The following MEIG1 variants were observed in gnomAD, a reference collection of about 807,000 sequenced individuals.
MEIG1 encodes the protein meiosis expressed gene 1 protein homolog.
MEIG1 carries 12 observed loss-of-function variants against 11.3 expected under a neutral mutation model. The observed-to-expected ratio is 1.07, with a 90% confidence interval of 0.68 to 1.73. MEIG1 has a LOEUF of 1.73. Ranked by LOEUF, MEIG1 falls within the 40% of genes most tolerant of loss-of-function variation. MEIG1 has a pLI of 0.00. For missense variants in MEIG1, 119 were observed against 104.9 expected, an observed-to-expected ratio of 1.13 and a Z score of -0.59; for synonymous variants, 41 against 33.2, an observed-to-expected ratio of 1.24 and a Z score of -0.81.
At chr10:14,977,905 G>C (rs1843228102) in intron 1 of MEIG1, among the ~76,000 whole-genome samples, 1 of 151,910 alleles carries the variant, frequency 6.6e-6, no homozygotes, top group African/African-American at 2.4e-5. Flanking sequence ...TAATATCCTA[G>C]AAAGATGTTG....
Position 14,966,605 on chromosome 10 carries a change from T to C in MEIG1, c.137T>C (p.Met46Thr). 1 of 1,608,000 alleles carries C rather than the reference T, an allele frequency of 6.2e-7. No individual in the cohort carries two copies. The highest frequency in any genetic ancestry group is 1.1e-5 in the South Asian group (1 of 89,184). ...TATAGACAAGTGAAACAAGTTTCTA[T>C]GGTAAGATTTCTGTCTCTACAAACC... ...TEYRQVKQVS[M>T]VDRWPETGYV... The change falls in exon 2 of 3, where the codon ATG becomes ACG. Residue 46 changes from methionine (M) to threonine (T), a missense_variant and splice_region_variant. By Grantham distance (81) the Met-to-Thr change is moderately conservative (BLOSUM62 -1). Coordinates refer to ENST00000407572, the MANE Select transcript of MEIG1 (RefSeq NM_001080836.3).
At chr10:14,977,626 C>A (rs919485451), downstream of MEIG1, among the ~76,000 whole-genome samples, 5 of 151,644 alleles carry the variant, frequency 3.3e-5, no homozygotes, top group African/African-American at 9.7e-5. Context: ...GTAATTTCTT[C>A]AAGAGATATA....
chr10:14,963,280 G>C (rs1450403280), intron 1 of MEIG1, among the ~76,000 whole-genome samples: 1 of 151,146 alleles, frequency 6.6e-6, no homozygotes, highest in Non-Finnish European at 1.5e-5. Context: ...ATTTTTAGTA[G>C]CGACGGGTTT....
chr10:14,957,909 G>A (rs1445845686), upstream of MEIG1, among the ~76,000 whole-genome samples: 2 of 152,212 alleles, frequency 1.3e-5, no homozygotes, highest in African/African-American at 4.8e-5. Flanking sequence ...GCCTCCCAAA[G>A]TGCTGGGATT....
intron 2 of MEIG1, chr10:14,987,224 T>C: frequency 1.0e-6 from 1 of 963,488 alleles, no homozygotes; most frequent in Non-Finnish European, 1.6e-6. Context: ...GAACCCGATG[T>C]CAGCCCAGCA....
downstream of MEIG1, among the ~76,000 whole-genome samples, chr10:14,977,360 C>T (rs1456741970): frequency 6.6e-6 from 1 of 151,706 alleles, no homozygotes; most frequent in Non-Finnish European, 1.5e-5. Flanking sequence ...TGAAAATATG[C>T]TAGCAGGATA....
rs1434895790 is a variant in MEIG1 at position 14,962,514 on chromosome 10, CTCT to C, written c.-30+2961_-30+2963del. On this transcript the variant is annotated intron_variant, in intron 1 of 2. Transcript: ENST00000407572. ...CCAATTGAATACAGCATATTTTCTGCTCTTCTATTAAATGTAGCATTTTTATGT... is the reference window on the plus strand; with the variant it reads ...CCAATTGAATACAGCATATTTTCTGCTCTATTAAATGTAGCATTTTTATGT... Among the ~76,000 whole-genome samples, 19 of 152,262 alleles carry C rather than the reference CTCT, an allele frequency of 1.2e-4. No individual in the cohort carries two copies. In the East Asian group the frequency reaches 3.7e-3, roughly 29 times the overall value.
rs1191545709 is a variant in MEIG1 at position 14,959,568 on chromosome 10, G to C, written c.-30+11G>C. On this transcript the variant is annotated intron_variant, in intron 1 of 2. Coordinates refer to ENST00000407572, the MANE Select transcript of MEIG1 (RefSeq NM_001080836.3). ...GAGCCGGACCCAGGGGTGGGTGGAT[G>C]CGTCGCTGGAGGCGAGGGCCCTGCC... The C allele has an allele frequency of 1.3e-5, 2 of 152,312 alleles. No individual in the cohort carries two copies. Among genetic ancestry groups the C allele is most frequent in the African/African-American group, 4.8e-5 (2 of 41,462 alleles). 9.4% of individuals were successfully genotyped at this position (152,312 alleles called of 1,614,324 possible). A position where few individuals can be genotyped will look rare whatever the true frequency, so the allele number is the denominator to read the frequency against.
At chr10:14,961,959 C>T (rs547251116) in intron 1 of MEIG1, among the ~76,000 whole-genome samples, 1 of 151,980 alleles carries the variant, frequency 6.6e-6, no homozygotes, top group South Asian at 2.1e-4. Context: ...AGTCATGGGC[C>T]ACCACACCCA....
chr10:14,971,130 C>T (rs544673575), intron 2 of MEIG1, among the ~76,000 whole-genome samples: 3 of 151,548 alleles, frequency 2.0e-5, no homozygotes, highest in Admixed American at 6.6e-5. Flanking sequence ...CTCACACCTG[C>T]AATCCCAACA....
intron 2 of MEIG1, chr10:14,987,339 G>A (rs1474084838): frequency 1.3e-6 from 1 of 775,926 alleles, no homozygotes; most frequent in East Asian, 2.5e-5. Flanking sequence ...TACAAGGACA[G>A]GGACAGGGAC....
At chr10:14,984,662 T>A (rs1843300486) in intron 1 of MEIG1, among the ~76,000 whole-genome samples, 1 of 152,212 alleles carries the variant, frequency 6.6e-6, no homozygotes, top group African/African-American at 2.4e-5. Flanking sequence ...ATGATCCTTG[T>A]AAGATGTCAC....
chr10:14,960,654 G>C (rs909218933), intron 1 of MEIG1, among the ~76,000 whole-genome samples: 1 of 151,822 alleles, frequency 6.6e-6, no homozygotes, highest in Non-Finnish European at 1.5e-5. Context: ...TCCTGACCTC[G>C]TGATCCACCC....
intron 2 of MEIG1, among the ~76,000 whole-genome samples, chr10:14,968,688 A>T (rs144139388): frequency 6.6e-6 from 1 of 152,162 alleles, no homozygotes; most frequent in African/African-American, 2.4e-5. Context: ...CTCAACCATT[A>T]TACTCTATCC....
chr10:14,980,305 G>A (rs990941904), intron 1 of MEIG1, among the ~76,000 whole-genome samples: 1 of 151,972 alleles, frequency 6.6e-6, no homozygotes. Context: ...TATATCCTGC[G>A]ATGTTATTCT....
the MEIG1 span, chr10:14,954,258 C>A: frequency 3.3e-6 from 2 of 609,370 alleles, no homozygotes; most frequent in Non-Finnish European, 5.8e-6. Flanking sequence ...CTGAGCCCTG[C>A]CCAGTGCAAG....
chr10:14,977,143 G>T (rs114330874), downstream of MEIG1, among the ~76,000 whole-genome samples: 1 of 151,892 alleles, frequency 6.6e-6, no homozygotes, highest in South Asian at 2.1e-4. Flanking sequence ...TGTCACAGGC[G>T]TGTACAGCCT....
At chr10:14,969,035 G>A (rs755989061) in intron 2 of MEIG1, among the ~76,000 whole-genome samples, 29 of 151,952 alleles carry the variant, frequency 1.9e-4, no homozygotes, top group African/African-American at 5.8e-4. Flanking sequence ...CCGAGATCAC[G>A]CCATTGCACT....
chr10:14,978,669 C>G (rs1843234587), intron 1 of MEIG1, among the ~76,000 whole-genome samples: 1 of 151,924 alleles, frequency 6.6e-6, no homozygotes, highest in South Asian at 2.1e-4. Flanking sequence ...GATGTTACAC[C>G]TAATGTCACA....
Sources: allele counts gnomAD v4.1 joint callset (sites outside exome capture counted in the v4.1 genomes callset), GRCh38; gene constraint gnomAD v4.1.1; transcripts MANE v1.5; gene names NCBI Gene and HGNC (gene_info 2026-07-23, HGNC 2026-07-21).